TACR1: variants seen among roughly 807,000 people sequenced by gnomAD.
TACR1 encodes substance-P receptor.
Under a neutral mutation model 35.8 loss-of-function variants are expected in TACR1, and 25 were observed. The ratio of observed to expected loss-of-function variants is 0.70; its 90% confidence interval spans 0.51 to 0.98. The LOEUF is 0.98. Ranked by LOEUF, TACR1 falls within the 50% of genes least tolerant of loss-of-function variation. The pLI is 0.00. For missense variants in TACR1, 478 were observed against 522.9 expected (o/e 0.91, Z 0.84); for synonymous variants, 195 against 206.7 (o/e 0.94, Z 0.48).
intron 2 of TACR1, among the ~76,000 whole-genome samples, chr2:75,070,972 A>T (rs549331183): frequency 0.012 from 1,857 of 152,334 alleles, 40 homozygotes; most frequent in African/African-American, 0.042. Context: ...AGGGAAAAAA[A>T]AACAAAGAAG....
intron 1 of TACR1, among the ~76,000 whole-genome samples, chr2:75,163,885 A>T (rs553456642): frequency 6.6e-6 from 1 of 152,210 alleles, no homozygotes; most frequent in Non-Finnish European, 1.5e-5. Flanking sequence ...TTAGTTAACC[A>T]GTCTATATTT....
At chr2:75,051,618 T>G (rs189145036) in intron 3 of TACR1, among the ~76,000 whole-genome samples, 171 bp from the exon 4 acceptor site, 6 of 152,282 alleles carry the variant, frequency 3.9e-5, no homozygotes, top group Admixed American at 3.9e-4. Flanking sequence ...GCTACAAGAC[T>G]TCGGTTATGT....
At chr2:75,188,148 A>G (rs1476848228) in intron 1 of TACR1, 2 of 152,206 alleles carry the variant, frequency 1.3e-5, no homozygotes, top group African/African-American at 4.8e-5. Flanking sequence ...CGAATTCTAA[A>G]GGCATTTGAA....
intron 1 of TACR1, among the ~76,000 whole-genome samples, chr2:75,191,394 G>T (rs750848662): frequency 1.3e-5 from 2 of 152,138 alleles, no homozygotes; most frequent in Non-Finnish European, 2.9e-5. Flanking sequence ...GTTGACAGCA[G>T]TTAGGCCAGA....
chr2:75,120,157 A>G (rs1313030015), intron 2 of TACR1, among the ~76,000 whole-genome samples: 1 of 152,136 alleles, frequency 6.6e-6, no homozygotes, highest in Non-Finnish European at 1.5e-5. Flanking sequence ...GCAGCCCCTC[A>G]ATCATTGTTG....
intron 2 of TACR1, among the ~76,000 whole-genome samples, chr2:75,077,813 C>T (rs72918512): frequency 6.6e-6 from 1 of 152,208 alleles, no homozygotes; most frequent in South Asian, 2.1e-4. Context: ...GGGAAGGCCC[C>T]CAGGAACATA....
At chr2:75,093,893 C>G (rs1458804476) in intron 2 of TACR1, among the ~76,000 whole-genome samples, 4 of 151,992 alleles carry the variant, frequency 2.6e-5, no homozygotes, top group Non-Finnish European at 5.9e-5. Context: ...TAGAATTGAT[C>G]TCGTTTAAGA....
At chr2:75,165,385 C>T (rs1331789562) in intron 1 of TACR1, among the ~76,000 whole-genome samples, 1 of 151,978 alleles carries the variant, frequency 6.6e-6, no homozygotes, top group Non-Finnish European at 1.5e-5. Context: ...TCTCGGCTCA[C>T]TGCAAGCTCG....
chr2:75,078,832 T>C (rs938244230), intron 2 of TACR1, among the ~76,000 whole-genome samples: 1 of 152,370 alleles, frequency 6.6e-6, no homozygotes, highest in Admixed American at 6.5e-5. Flanking sequence ...CCATGATCCA[T>C]CTTTTGTAGG....
intron 1 of TACR1, among the ~76,000 whole-genome samples, chr2:75,170,769 C>T (rs563412889): frequency 8.7e-4 from 133 of 152,186 alleles, no homozygotes; most frequent in South Asian, 1.2e-3. Context: ...TTTGCCCTTG[C>T]CCTAGAGATT....
intron 1 of TACR1, among the ~76,000 whole-genome samples, chr2:75,172,535 C>CAT: frequency 1.3e-5 from 2 of 152,082 alleles, no homozygotes; most frequent in Admixed American, 1.3e-4. Context: ...ATCTCAGATG[C>CAT]CTGAGATGTG....
At chr2:75,183,548 C>A (rs1675609968) in intron 1 of TACR1, among the ~76,000 whole-genome samples, 1 of 152,118 alleles carries the variant, frequency 6.6e-6, no homozygotes, top group Non-Finnish European at 1.5e-5. Flanking sequence ...AACATCTGTG[C>A]CCATGAGGAT....
chr2:75,198,960 C>G lies in TACR1; in HGVS notation c.-26G>C. 1.2e-6 allele frequency: 2 copies of G among 1,607,284 alleles called. No homozygotes were observed. ...TTCGAAGCTAGGCGGTAAAGCCCTA[C>G]TATCTGTACACAACCCCCCTCTGCA... On this transcript the variant is annotated 5_prime_UTR_variant, in exon 1 of 5. Coordinates refer to ENST00000305249, the MANE Select transcript of TACR1 (RefSeq NM_001058.4).
At chr2:75,109,977 G>C (rs1249856783) in intron 2 of TACR1, among the ~76,000 whole-genome samples, 1 of 152,156 alleles carries the variant, frequency 6.6e-6, no homozygotes, top group East Asian at 1.9e-4. Context: ...CTGAACTAGA[G>C]ATCTGACTTT....
At chr2:75,138,784 C>CATTA (rs1261271897) in intron 1 of TACR1, among the ~76,000 whole-genome samples, 2 of 83,846 alleles carry the variant, frequency 2.4e-5, no homozygotes, top group African/African-American at 5.6e-5. Flanking sequence ...TTCATTCATT[C>CATTA]ATTCAAATAC....
intron 2 of TACR1, among the ~76,000 whole-genome samples, chr2:75,079,253 T>C (rs1673034661): frequency 6.6e-6 from 1 of 152,214 alleles, no homozygotes; most frequent in African/African-American, 2.4e-5. Flanking sequence ...CTTCCCTTCC[T>C]GTCCAACACA....
At chr2:75,105,076 A>G (rs1191251164) in intron 2 of TACR1, among the ~76,000 whole-genome samples, 1 of 152,104 alleles carries the variant, frequency 6.6e-6, no homozygotes, top group Non-Finnish European at 1.5e-5. Flanking sequence ...TTGACAAGAT[A>G]TTTGCACTTC....
At chr2:75,173,914 C>T (rs1035961637) in intron 1 of TACR1, among the ~76,000 whole-genome samples, 1 of 152,210 alleles carries the variant, frequency 6.6e-6, no homozygotes, top group Non-Finnish European at 1.5e-5. Flanking sequence ...TTCTGAGCCA[C>T]TTGGCCTTCC....
chr2:75,098,525 AAG>A (rs1338200689), intron 2 of TACR1, among the ~76,000 whole-genome samples: 9 of 152,162 alleles, frequency 5.9e-5, no homozygotes, highest in Non-Finnish European at 1.0e-4. Context: ...GAGAAAGATG[AAG>A]AGAGACCTCT....
Sources: allele counts gnomAD v4.1 joint callset (sites outside exome capture counted in the v4.1 genomes callset), GRCh38; gene constraint gnomAD v4.1.1; transcripts MANE v1.5; gene names NCBI Gene and HGNC (gene_info 2026-07-23, HGNC 2026-07-21).